Variants in TRPV2 observed in about 807,000 individuals in gnomAD.
The protein encoded by TRPV2 is OTRPC2.
In TRPV2, 58 loss-of-function variants were observed where a neutral mutation model predicts 91.0. The ratio of observed to expected loss-of-function variants is 0.64; its 90% CI spans 0.52 to 0.79. The LOEUF is 0.79. Among genes scored for constraint, TRPV2 ranks in the 30% least tolerant of loss-of-function variants. TRPV2 has a pLI of 0.00. For synonymous variants in TRPV2, 417 were observed against 414.8 expected, an observed-to-expected ratio of 1.01 and a Z score of -0.06; for missense variants, 807 against 969.6, an observed-to-expected ratio of 0.83 and a Z score of 2.23.
In TRPV2 at chr17:16,432,993, TAAG is replaced by T. The variant is rs371643383; in HGVS notation, c.1990-580_1990-578del. On this transcript the variant is annotated intron_variant, in intron 12 of 14. Transcript: ENST00000338560. Reference sequence around the variant, plus strand: ...ACTAATTTTTTGTATTTAGTAGAGATAAGGTTTCACCATGTTGGTCAAGCTGGT... The same window carrying T: ...ACTAATTTTTTGTATTTAGTAGAGATGTTTCACCATGTTGGTCAAGCTGGT... Among the ~76,000 whole-genome samples the T allele has an allele frequency of 5.5e-3, 843 of 152,180 alleles. 4 individuals are homozygous for T. The highest frequency in any genetic ancestry group is 0.017 in the African/African-American group (690 of 41,508).
chr17:16,436,095 C>G (rs2093432894), intron 14 of TRPV2, among the ~76,000 whole-genome samples: 1 of 152,144 alleles, frequency 6.6e-6, no homozygotes, highest in South Asian at 2.1e-4. Flanking sequence ...AGCCTATTCC[C>G]CCCGCTATAC....
At chr17:16,419,876 G>A (rs894288365) in intron 2 of TRPV2, among the ~76,000 whole-genome samples, 1 of 152,226 alleles carries the variant, frequency 6.6e-6, no homozygotes, top group African/African-American at 2.4e-5. Context: ...TGTCTGTGAT[G>A]ACTGGCGTCA....
Position 16,426,999 on chromosome 17 carries a change from T to G in TRPV2, c.1251+122T>G. On this transcript the variant is annotated intron_variant, in intron 7 of 14. Transcript: ENST00000338560. This position sits in a 1 kb window ranked among gnomAD's most constrained non-coding sequence, Gnocchi z 6.0. ...TGCTGGAGTGACATTCCCAAGCTTATGGGAGCCAGCACTGCAGTACTAACG... is the reference window on the plus strand; with the variant it reads ...TGCTGGAGTGACATTCCCAAGCTTAGGGGAGCCAGCACTGCAGTACTAACG... 3.4e-6 allele frequency: 4 copies of G among 1,167,566 alleles called. No individual in the cohort carries two copies. Among genetic ancestry groups the G allele is most frequent in the Non-Finnish European group, 4.8e-6 (4 of 829,692 alleles). The allele number at this position is 1,167,566 out of a possible 1,614,324, so 72.3% of individuals were successfully genotyped here.
Position 16,432,169 on chromosome 17 carries a change from G to A in TRPV2, c.1858G>A (p.Gly620Ser), listed in dbSNP as rs772205239. 8.7e-6 allele frequency: 14 copies of A among 1,614,126 alleles called. No individual in the cohort carries two copies. The highest frequency in any genetic ancestry group is 2.7e-5 in the African/African-American group (2 of 74,950). Reference protein sequence around the residue: ...LAFQEQLHFRGMVLLLLLAYV... With the variant: ...LAFQEQLHFRSMVLLLLLAYV... ...CTTCCAGGAGCAGCTGCACTTCCGCGGCATGGTGCTGCTGCTGCTGCTGGC... is the reference window on the plus strand; with the variant it reads ...CTTCCAGGAGCAGCTGCACTTCCGCAGCATGGTGCTGCTGCTGCTGCTGGC... Residue 620 changes from glycine to serine, a missense_variant, in exon 12 of 15, where the codon GGC becomes AGC. Coordinates refer to ENST00000338560, the MANE Select transcript of TRPV2 (RefSeq NM_016113.5).
At chr17:16,423,190 G>A (rs985218634) in intron 4 of TRPV2, among the ~76,000 whole-genome samples, 2 of 152,346 alleles carry the variant, frequency 1.3e-5, no homozygotes, top group East Asian at 1.9e-4. Context: ...GCCAGAAGAC[G>A]GGCATGCACC....
chr17:16,432,432 C>T, intron 12 of TRPV2, 132 bp downstream of exon 12: 1 of 713,162 alleles, frequency 1.4e-6, no homozygotes, highest in Non-Finnish European at 2.2e-6. Context: ...TGTCAGTCTT[C>T]CTCTTCCTTT....
intron 1 of TRPV2, 67 bp from the exon 2 acceptor site, chr17:16,417,495 A>G: frequency 1.6e-6 from 1 of 609,478 alleles, no homozygotes; most frequent in Non-Finnish European, 2.8e-6. Context: ...CAGCCTCCCA[A>G]AGTGCTGGGA....
intron 10 of TRPV2, among the ~76,000 whole-genome samples, 171 bp from the exon 11 acceptor site, chr17:16,431,613 T>C (rs145371199): frequency 2.3e-3 from 350 of 152,162 alleles, no homozygotes; most frequent in African/African-American, 8.1e-3. Flanking sequence ...CTGAGATATA[T>C]TTTTAAAAGA....
intron 4 of TRPV2, 49 bp downstream of exon 4, chr17:16,422,938 TG>T: frequency 6.5e-7 from 1 of 1,532,656 alleles, no homozygotes; most frequent in Non-Finnish European, 8.8e-7. Flanking sequence ...GAGTAAGGCC[TG>T]GTTCAAGGTC....
chr17:16,434,789 T>C (rs2093428299), intron 13 of TRPV2, 101 bp from the exon 14 acceptor site: 3 of 1,141,186 alleles, frequency 2.6e-6, no homozygotes, highest in Non-Finnish European at 3.9e-6. Context: ...CACCAGAGCA[T>C]CTCTGCATAG....
chr17:16,423,587 C>T lies in TRPV2; in HGVS notation c.744C>T (p.Val248=), dbSNP rs1407838242. Residue 248 remains valine, a synonymous_variant, in exon 5 of 15, where the codon GTC becomes GTT. Coordinates refer to ENST00000338560, the MANE Select transcript of TRPV2 (RefSeq NM_016113.5). ...LQATDSQGNT[V]LHALVMISDN... is the part of the protein sequence containing the mutation. ...CCACTGACTCCCAGGGCAACACAGTCCTGCATGCCCTAGTGATGATCTCGG... is the reference window on the plus strand; with the variant it reads ...CCACTGACTCCCAGGGCAACACAGTTCTGCATGCCCTAGTGATGATCTCGG... 1 of 1,614,132 alleles carries T rather than the reference C, an allele frequency of 6.2e-7. No homozygotes were observed. Among genetic ancestry groups the T allele is most frequent in the Non-Finnish European group, 8.5e-7 (1 of 1,180,064 alleles).
intron 10 of TRPV2, among the ~76,000 whole-genome samples, chr17:16,429,803 G>A (rs2093401414): frequency 6.6e-6 from 1 of 151,710 alleles, no homozygotes; most frequent in South Asian, 2.1e-4. Context: ...CACGGGGAGG[G>A]ATTTGGAGGT....
At chr17:16,416,445 C>CCCA (rs1283283964) in intron 1 of TRPV2, 1 of 153,526 alleles carries the variant, frequency 6.5e-6, no homozygotes, top group Non-Finnish European at 1.5e-5. Context: ...TGACCGAGGC[C>CCCA]CCACCCTTGC....
chr17:16,427,081 A>T (rs1298859195), intron 7 of TRPV2, among the ~76,000 whole-genome samples: 1 of 152,200 alleles, frequency 6.6e-6, no homozygotes, highest in African/African-American at 2.4e-5. Flanking sequence ...ATTCTAGGTG[A>T]TGGACATGTG....
At chr17:16,432,805 CTTTT>C (rs549732624) in intron 12 of TRPV2, among the ~76,000 whole-genome samples, 1 of 135,442 alleles carries the variant, frequency 7.4e-6, no homozygotes. Context: ...TCCAGTGTTT[CTTTT>C]TTTTTTTTTT....
In TRPV2 at chr17:16,422,646, A is replaced by C. The variant is rs756083788; in HGVS notation, c.382A>C (p.Lys128Gln). 3.1e-6 allele frequency: 5 copies of C among 1,614,170 alleles called. No individual in the cohort carries two copies. The highest frequency in any genetic ancestry group is 4.2e-6 in the Non-Finnish European group (5 of 1,180,024). The change falls in exon 4 of 15, where the codon AAG becomes CAG. Residue 128 changes from lysine (K) to glutamine (Q), a missense_variant. Transcript: ENST00000338560. ...TCLMKAVLNLKDGVNACILPL... is the reference protein window; with the variant it reads ...TCLMKAVLNLQDGVNACILPL... Reference sequence around the variant, plus strand: ...CCTGATGAAGGCTGTGCTGAACCTTAAGGACGGAGTCAATGCCTGCATTCT... The same window carrying C: ...CCTGATGAAGGCTGTGCTGAACCTTCAGGACGGAGTCAATGCCTGCATTCT...
intron 10 of TRPV2, among the ~76,000 whole-genome samples, chr17:16,431,044 TTTTTTG>T (rs1360760355): frequency 9.7e-5 from 14 of 143,704 alleles, no homozygotes; most frequent in African/African-American, 3.7e-4. Flanking sequence ...AAGGTTTTTT[TTTTTTG>T]TTTTTTGTTT....
At chr17:16,420,400 G>A in intron 3 of TRPV2, 152 bp downstream of exon 3, 2 of 1,025,072 alleles carry the variant, frequency 2.0e-6, no homozygotes, top group Non-Finnish European at 2.8e-6. Flanking sequence ...TGTGGACAGA[G>A]TTAATCAAGG....
intron 1 of TRPV2, among the ~76,000 whole-genome samples, chr17:16,416,941 G>T (rs2093333336): frequency 6.6e-6 from 1 of 152,244 alleles, no homozygotes; most frequent in East Asian, 1.9e-4. Context: ...TGCCAGGCAA[G>T]ACGTTGTGTA....
Sources: gnomAD v4.1 joint callset for allele counts (sites outside exome capture counted in the v4.1 genomes callset) on GRCh38, gnomAD v4.1.1 for gene constraint, Gnocchi (gnomAD v3.1) non-coding constraint, MANE v1.5 for transcripts, NCBI Gene and HGNC (gene_info 2026-07-23, HGNC 2026-07-21) for gene names.